Variants in ARID4B observed in about 807,000 individuals in gnomAD.
ARID4B encodes the protein AT-rich interactive domain-containing protein 4B.
In ARID4B, 26 loss-of-function variants were observed where a neutral mutation model predicts 147.5. That is an observed-to-expected ratio of 0.18 (90% confidence interval 0.13 to 0.24). The LOEUF is 0.24. ARID4B is among the 10% of genes least tolerant of loss of function. The pLI, the probability that ARID4B is intolerant of heterozygous loss-of-function variation, is 1.00. For missense variants in ARID4B, 1,179 were observed against 1,511.5 expected (o/e 0.78, Z 3.65); for synonymous variants, 512 against 507.9 (o/e 1.01, Z -0.11).
At chr1:235,261,456 C>T (rs1178685482) in intron 2 of ARID4B, among the ~76,000 whole-genome samples, 1 of 152,040 alleles carries the variant, frequency 6.6e-6, no homozygotes, top group Admixed American at 6.6e-5. Flanking sequence ...CCCAAGAGGT[C>T]GAGACTCGAG....
chr1:235,327,006 G>A, intron 1 of ARID4B, 38 bp from the exon 2 acceptor site: 3 of 1,412,582 alleles, frequency 2.1e-6, no homozygotes, highest in Non-Finnish European at 3.0e-6. Context: ...CAACACCACA[G>A]GAGCCCCTCT....
intron 4 of ARID4B, among the ~76,000 whole-genome samples, chr1:235,256,653 A>C (rs1183452390): frequency 6.6e-6 from 1 of 152,236 alleles, no homozygotes; most frequent in Non-Finnish European, 1.5e-5. Context: ...TAGTGGCTCC[A>C]AAGAAGTAAG....
At chr1:235,179,931 A>T (rs1664181913) in intron 20 of ARID4B, among the ~76,000 whole-genome samples, 1 of 151,352 alleles carries the variant, frequency 6.6e-6, no homozygotes, top group African/African-American at 2.4e-5. Flanking sequence ...TTAGCTGGGC[A>T]TGGTGGCACA....
At chr1:235,219,655 TTTAA>T in intron 16 of ARID4B, 134 bp downstream of exon 16, 3 of 662,504 alleles carry the variant, frequency 4.5e-6, no homozygotes, top group Non-Finnish European at 7.2e-6. Context: ...GTGAATGCTA[TTTAA>T]TTAATAAATG....
intron 7 of ARID4B, among the ~76,000 whole-genome samples, chr1:235,243,620 A>C (rs139139548): frequency 2.0e-5 from 3 of 152,274 alleles, no homozygotes; most frequent in African/African-American, 7.2e-5. Flanking sequence ...GTAAATCAAG[A>C]AAGACGAACT....
chr1:235,249,723 C>T (rs913713994), intron 6 of ARID4B, among the ~76,000 whole-genome samples: 4 of 151,478 alleles, frequency 2.6e-5, no homozygotes, highest in Non-Finnish European at 4.4e-5. Context: ...GGGCGTATCA[C>T]GAGGTCAAGA....
At chr1:235,296,593 G>A (rs1476644118) in intron 2 of ARID4B, among the ~76,000 whole-genome samples, 1 of 151,542 alleles carries the variant, frequency 6.6e-6, no homozygotes, top group East Asian at 1.9e-4. Flanking sequence ...AAGTAGTTGG[G>A]ACTATAGGCA....
chr1:235,311,984 A>G (rs1350135448), intron 2 of ARID4B, among the ~76,000 whole-genome samples: 2 of 152,140 alleles, frequency 1.3e-5, no homozygotes, highest in Non-Finnish European at 2.9e-5. Context: ...GTACTGATAT[A>G]GAAGAATGTA....
intron 19 of ARID4B, among the ~76,000 whole-genome samples, chr1:235,186,289 C>T (rs1378905729): frequency 1.3e-5 from 2 of 151,916 alleles, no homozygotes; most frequent in African/African-American, 4.8e-5. Flanking sequence ...TTTCATAGTT[C>T]CCCCTTCCTA....
intron 19 of ARID4B, among the ~76,000 whole-genome samples, chr1:235,190,460 GA>G (rs11409901): frequency 2.1e-5 from 3 of 145,314 alleles, no homozygotes; most frequent in Admixed American, 6.8e-5. Flanking sequence ...AAAAAGAAAA[GA>G]AAAAAAAAAG....
intron 10 of ARID4B, among the ~76,000 whole-genome samples, chr1:235,230,128 AT>A (rs1165406052): frequency 2.6e-5 from 4 of 152,110 alleles, no homozygotes; most frequent in Admixed American, 6.6e-5. Flanking sequence ...AATTACTTTG[AT>A]TCCTCAGTCA....
At chr1:235,188,426 G>C (rs546944139) in intron 19 of ARID4B, among the ~76,000 whole-genome samples, 19 of 152,188 alleles carry the variant, frequency 1.2e-4, no homozygotes, top group Non-Finnish European at 2.4e-4. Flanking sequence ...CTCATACAAG[G>C]AGCACTGGGT....
intron 2 of ARID4B, among the ~76,000 whole-genome samples, chr1:235,309,813 C>T (rs1433552743): frequency 6.6e-6 from 1 of 151,918 alleles, no homozygotes; most frequent in South Asian, 2.1e-4. Flanking sequence ...GAGACTTTTC[C>T]TTTTGTTCTG....
chr1:235,284,464 T>C (rs4659763), intron 2 of ARID4B, among the ~76,000 whole-genome samples: 42,138 of 152,180 alleles, frequency 0.28, 7,379 homozygotes, highest in South Asian at 0.53. Context: ...TAATTACATA[T>C]ACTTCACTAG....
chr1:235,272,664 C>T (rs553866395), intron 2 of ARID4B, among the ~76,000 whole-genome samples: 61 of 151,858 alleles, frequency 4.0e-4, no homozygotes, highest in African/African-American at 1.4e-3. Flanking sequence ...TGTAGTTTAT[C>T]ATACTAATAA....
chr1:235,255,784 TAAAAGG>T, intron 4 of ARID4B, 34 bp from the exon 5 acceptor site: 1 of 1,510,684 alleles, frequency 6.6e-7, no homozygotes, highest in Non-Finnish European at 9.1e-7. Context: ...GAAAAACTTT[TAAAAGG>T]TAAATTAACA....
At chr1:235,256,849 C>CTGTT (rs3834001) in intron 4 of ARID4B, among the ~76,000 whole-genome samples, 66,709 of 151,440 alleles carry the variant, frequency 0.44, 14,906 homozygotes, top group South Asian at 0.6. Context: ...TCTGAATAAA[C>CTGTT]TGGTTTTACT....
At chr1:235,210,496 C>G (rs1245867278) in intron 17 of ARID4B, among the ~76,000 whole-genome samples, 1 of 151,964 alleles carries the variant, frequency 6.6e-6, no homozygotes, top group Non-Finnish European at 1.5e-5. Flanking sequence ...AGCTTCAGAA[C>G]TGGAGGAGCC....
chr1:235,197,020 C>A (rs574645406), intron 17 of ARID4B, among the ~76,000 whole-genome samples: 32 of 151,952 alleles, frequency 2.1e-4, no homozygotes, highest in Non-Finnish European at 2.1e-4. Context: ...GTACAGACAG[C>A]TGAGTCAACA....
Sources: allele counts gnomAD v4.1 joint callset (sites outside exome capture counted in the v4.1 genomes callset), GRCh38; gene constraint gnomAD v4.1.1; transcripts MANE v1.5; gene names NCBI Gene and HGNC (gene_info 2026-07-23, HGNC 2026-07-21).